SLC14A2: variants seen among roughly 807,000 people sequenced by gnomAD.
SLC14A2 encodes the protein urea transporter 2.
In SLC14A2, 91 loss-of-function variants were observed where a neutral mutation model predicts 104.6. The ratio of observed to expected loss-of-function variants is 0.87; its 90% CI spans 0.73 to 1.04. The LOEUF (loss-of-function observed/expected upper bound fraction) is 1.04. Ranked by LOEUF, SLC14A2 falls within the 50% of genes least tolerant of loss-of-function variation. SLC14A2 has a pLI of 0.00. For missense variants in SLC14A2, 1,189 were observed against 1,156.0 expected (o/e 1.03, Z -0.41); for synonymous variants, 476 against 466.4 (o/e 1.02, Z -0.27).
chr18:45,568,148 G>A (rs2044293652), intron 2 of SLC14A2, among the ~76,000 whole-genome samples: 1 of 152,218 alleles, frequency 6.6e-6, no homozygotes, highest in Admixed American at 6.5e-5. Context: ...CAGTCATCAT[G>A]AGCAGCCTCC....
intron 1 of SLC14A2, among the ~76,000 whole-genome samples, chr18:45,478,340 T>C (rs748222057): frequency 6.6e-6 from 1 of 152,154 alleles, no homozygotes; most frequent in Non-Finnish European, 1.5e-5. Flanking sequence ...CCCAATGAGA[T>C]GAGCTGGGTA....
intron 2 of SLC14A2, among the ~76,000 whole-genome samples, chr18:45,502,131 G>A (rs773670914): frequency 6.6e-6 from 1 of 152,192 alleles, no homozygotes; most frequent in Non-Finnish European, 1.5e-5. Context: ...TGGGGCAGAA[G>A]ATGCTGGAAG....
At chr18:45,275,665 T>C (rs1384518999) in intron 1 of SLC14A2, among the ~76,000 whole-genome samples, 1 of 152,196 alleles carries the variant, frequency 6.6e-6, no homozygotes, top group Non-Finnish European at 1.5e-5. Context: ...TCCAAAAAAG[T>C]GACTTCCCCT....
At chr18:45,173,646 A>T in the SLC14A2 span, among the ~76,000 whole-genome samples, 1 of 152,088 alleles carries the variant, frequency 6.6e-6, no homozygotes, top group Non-Finnish European at 1.5e-5. Flanking sequence ...AGGTTTTAGA[A>T]CCTGACTTGG....
upstream of SLC14A2, among the ~76,000 whole-genome samples, chr18:45,610,975 TAAAACACATTTTGCCAGGATGA>T (rs2144448700): frequency 6.6e-6 from 1 of 152,284 alleles, no homozygotes; most frequent in Admixed American, 6.5e-5. Context: ...GCGATGACCC[TAAAACACATTTTGCCAGGATGA>T]GAAACACCAC....
chr18:45,437,549 C>T (rs1447225246), intron 1 of SLC14A2, among the ~76,000 whole-genome samples: 2 of 152,196 alleles, frequency 1.3e-5, no homozygotes, highest in Admixed American at 1.3e-4. Context: ...TAGCCACCCT[C>T]ATGTCATGCG....
At chr18:45,673,963 G>T in intron 18 of SLC14A2, 146 bp downstream of exon 18, 2 of 887,846 alleles carry the variant, frequency 2.3e-6, no homozygotes, top group Admixed American at 5.1e-5. Flanking sequence ...ACATGAAGAC[G>T]GTGGTGGAGG....
intron 1 of SLC14A2, among the ~76,000 whole-genome samples, chr18:45,428,576 G>T (rs148152368): frequency 6.6e-6 from 1 of 152,226 alleles, no homozygotes; most frequent in Non-Finnish European, 1.5e-5. Flanking sequence ...TGGAGGTCAT[G>T]GGCACCCCCA....
chr18:45,285,895 A>G (rs941696889), intron 1 of SLC14A2, among the ~76,000 whole-genome samples: 2 of 152,102 alleles, frequency 1.3e-5, no homozygotes, highest in African/African-American at 4.8e-5. Context: ...ATGGCTTCCC[A>G]TTATAGTCAC....
rs142187389 is a variant in SLC14A2 at position 45,243,628 on chromosome 18, C to T, written c.-125+30437C>T. ...GAAGGTTTTGACTGTAAATGTATTC[C>T]GAGTTTTGAGTCATCTTTAGGAAAA... On this transcript the variant is annotated intron_variant, in intron 1 of 20. Coordinates refer to the SLC14A2 transcript ENST00000586448. Among the ~76,000 whole-genome samples the T allele has an allele frequency of 3.0e-3, 456 of 152,164 alleles. 2 individuals are homozygous for T. Among genetic ancestry groups the T allele is most frequent in the Middle Eastern group, 6.8e-3 (2 of 294 alleles).
the SLC14A2 span, among the ~76,000 whole-genome samples, chr18:45,172,562 T>C: frequency 1.3e-5 from 2 of 152,168 alleles, no homozygotes; most frequent in Non-Finnish European, 2.9e-5. Context: ...TTAGGTGTCT[T>C]CCATTTGTAT....
chr18:45,408,412 C>T (rs1218341142), intron 1 of SLC14A2, among the ~76,000 whole-genome samples: 1 of 152,192 alleles, frequency 6.6e-6, no homozygotes, highest in Non-Finnish European at 1.5e-5. Flanking sequence ...CTCCAACACA[C>T]TGATTTAATC....
the SLC14A2 span, among the ~76,000 whole-genome samples, chr18:45,198,994 A>G: frequency 6.6e-6 from 1 of 152,146 alleles, no homozygotes; most frequent in South Asian, 2.1e-4. Flanking sequence ...ATTATACCCT[A>G]CAGTAGTTTT....
At position 45,667,917 on chromosome 18, in the gene SLC14A2, T is replaced by C. The variant is rs1286703389; in HGVS notation, c.1802T>C (p.Ile601Thr). Residue 601 changes from isoleucine to threonine, a missense_variant, in exon 14 of 20, where the codon ATC (isoleucine) becomes ACC (threonine). Physicochemically the swap from Ile to Thr is moderately conservative, Grantham distance 89. Coordinates refer to ENST00000255226, the MANE Select transcript of SLC14A2 (RefSeq NM_007163.4). ...TTTGTGAACAACCCCCTCAGCGGCATCCTCATCATCCTCGGCCTCTTCATC... is the reference window on the plus strand; with the variant it reads ...TTTGTGAACAACCCCCTCAGCGGCACCCTCATCATCCTCGGCCTCTTCATC... ...VMFVNNPLSGILIILGLFIQN... is the reference protein window; with the variant it reads ...VMFVNNPLSGTLIILGLFIQN... 1 of 1,614,112 alleles carries C rather than the reference T, an allele frequency of 6.2e-7. No individual in the cohort carries two copies. Among genetic ancestry groups the C allele is most frequent in the Non-Finnish European group, 8.5e-7 (1 of 1,179,988 alleles).
rs17667966 is a variant in SLC14A2, at chr18:45,566,074, T to C, written c.-34-58557T>C. ...TTGTGGAAGTAAAAACTTTGGTTGGTTTATGAGTTGTGACAGGTAAGGAAA... is the reference window on the plus strand; with the variant it reads ...TTGTGGAAGTAAAAACTTTGGTTGGCTTATGAGTTGTGACAGGTAAGGAAA... On this transcript the variant is annotated intron_variant, in intron 2 of 20. Transcript: ENST00000586448. 8.3e-3 allele frequency among the ~76,000 whole-genome samples: 1,260 copies of C among 152,330 alleles called. 9 individuals carry two copies. Among genetic ancestry groups the C allele is most frequent in the Non-Finnish European group, 0.012 (819 of 68,024 alleles).
chr18:45,599,350 G>C (rs188878869), intron 2 of SLC14A2, among the ~76,000 whole-genome samples: 1 of 152,180 alleles, frequency 6.6e-6, no homozygotes, highest in Non-Finnish European at 1.5e-5. Context: ...GAATCACAGC[G>C]GATGTGGCCA....
intron 1 of SLC14A2, among the ~76,000 whole-genome samples, chr18:45,316,295 C>A (rs894250186): frequency 6.6e-6 from 1 of 152,168 alleles, no homozygotes; most frequent in South Asian, 2.1e-4. Context: ...TCCGAAAAGA[C>A]CCTCGGAGGC....
chr18:45,396,169 A>G (rs909188989), intron 1 of SLC14A2, among the ~76,000 whole-genome samples: 9 of 152,030 alleles, frequency 5.9e-5, no homozygotes, highest in Non-Finnish European at 1.0e-4. Context: ...TCAGATCTTT[A>G]TGTTTATCCT....
intron 1 of SLC14A2, among the ~76,000 whole-genome samples, chr18:45,421,713 C>G (rs1030358503): frequency 2.0e-5 from 3 of 152,170 alleles, no homozygotes; most frequent in Non-Finnish European, 4.4e-5. Flanking sequence ...CCAGTGAACC[C>G]ACAATGCTCT....
Sources: allele counts gnomAD v4.1 joint callset (sites outside exome capture counted in the v4.1 genomes callset), GRCh38; gene constraint gnomAD v4.1.1; transcripts MANE v1.5; gene names NCBI Gene and HGNC (gene_info 2026-07-23, HGNC 2026-07-21).